ERC2: variants seen among roughly 807,000 people sequenced by gnomAD.
The protein encoded by ERC2 is ERC protein 2.
In ERC2, 42 loss-of-function variants were observed where a neutral mutation model predicts 114.8. The ratio of observed to expected loss-of-function variants is 0.37; its 90% confidence interval spans 0.29 to 0.47. The LOEUF (loss-of-function observed/expected upper bound fraction) is 0.47. ERC2 is among the 20% of genes least tolerant of loss of function. The pLI is 0.99. For synonymous variants in ERC2, 454 were observed against 425.5 expected (o/e 1.07, Z -0.82); for missense variants, 939 against 1,150.7 (o/e 0.82, Z 2.66).
intron 2 of ERC2, among the ~76,000 whole-genome samples, chr3:56,422,554 G>A (rs548260478): frequency 6.6e-5 from 10 of 152,108 alleles, no homozygotes; most frequent in East Asian, 3.9e-4. Flanking sequence ...TTCCTTCTTC[G>A]TTCTTGCTCT....
chr3:55,766,670 C>T (rs1158815777), intron 14 of ERC2: 2 of 152,176 alleles, frequency 1.3e-5, no homozygotes, highest in Non-Finnish European at 2.9e-5. Context: ...GGGGCACTCA[C>T]CCTCTGGCCC....
chr3:56,446,923 G>A (rs983690701), intron 1 of ERC2, among the ~76,000 whole-genome samples: 2 of 152,024 alleles, frequency 1.3e-5, no homozygotes, highest in Admixed American at 1.3e-4. Context: ...CACCACACCC[G>A]GCCGAGAGTG....
intron 17 of ERC2, among the ~76,000 whole-genome samples, chr3:55,526,511 G>T (rs1488765578): frequency 6.6e-6 from 1 of 152,140 alleles, no homozygotes; most frequent in Non-Finnish European, 1.5e-5. Context: ...GTGCTCAAAG[G>T]CCCGCGTCGT....
chr3:56,290,918 CTT>C (rs1303676619), intron 3 of ERC2, among the ~76,000 whole-genome samples: 1 of 152,114 alleles, frequency 6.6e-6, no homozygotes, highest in Non-Finnish European at 1.5e-5. Context: ...CCTGTAAAGA[CTT>C]GGGTGCTCTT....
At chr3:56,033,030 CAG>C (rs1327103939) in intron 7 of ERC2, among the ~76,000 whole-genome samples, 7 of 65,264 alleles carry the variant, frequency 1.1e-4, no homozygotes, top group South Asian at 5.3e-4. Context: ...AAAAAAGAAA[CAG>C]AAAGAAAGAA....
chr3:55,953,876 C>T (rs1464818488), intron 12 of ERC2, among the ~76,000 whole-genome samples: 1 of 152,082 alleles, frequency 6.6e-6, no homozygotes, highest in African/African-American at 2.4e-5. Flanking sequence ...TCTTCCCCTA[C>T]CTGCAGAAGT....
intron 14 of ERC2, among the ~76,000 whole-genome samples, chr3:55,813,025 A>G (rs1362543073): frequency 6.6e-6 from 1 of 152,250 alleles, no homozygotes; most frequent in South Asian, 2.1e-4. Context: ...TTCAATTCTC[A>G]TAAAAGTCCA....
chr3:55,781,228 C>A (rs1431929677), intron 14 of ERC2, among the ~76,000 whole-genome samples: 1 of 152,130 alleles, frequency 6.6e-6, no homozygotes, highest in Non-Finnish European at 1.5e-5. Context: ...TTGTAGAGGA[C>A]ACCCCATATT....
intron 3 of ERC2, among the ~76,000 whole-genome samples, chr3:56,258,286 A>C (rs925698104): frequency 1.3e-5 from 2 of 152,164 alleles, no homozygotes; most frequent in Non-Finnish European, 2.9e-5. Flanking sequence ...TCTCTGTCAC[A>C]GCTACTCAGC....
chr3:56,170,289 GC>G (rs954773828), intron 4 of ERC2, among the ~76,000 whole-genome samples: 1 of 152,184 alleles, frequency 6.6e-6, no homozygotes, highest in Non-Finnish European at 1.5e-5. Context: ...CAAAAGAACT[GC>G]CCCCAGTTTG....
intron 15 of ERC2, among the ~76,000 whole-genome samples, chr3:55,729,285 C>T (rs2065103873): frequency 6.6e-6 from 1 of 152,186 alleles, no homozygotes; most frequent in African/African-American, 2.4e-5. Flanking sequence ...CACACGTACA[C>T]TTCTGCTTCA....
chr3:56,277,009 G>A (rs993205718), intron 3 of ERC2, among the ~76,000 whole-genome samples: 5 of 152,284 alleles, frequency 3.3e-5, no homozygotes, highest in South Asian at 2.1e-4. Flanking sequence ...CTTATCTGTC[G>A]ATGAACTTTG....
chr3:56,425,558 T>TTC (rs1473269855), intron 2 of ERC2, among the ~76,000 whole-genome samples: 1 of 81,860 alleles, frequency 1.2e-5, no homozygotes, highest in African/African-American at 5.4e-5. Context: ...CCGACCCTTT[T>TTC]TCTTTTTTTT....
intron 2 of ERC2, among the ~76,000 whole-genome samples, chr3:56,406,607 C>T (rs1174465003): frequency 6.6e-6 from 1 of 152,136 alleles, no homozygotes; most frequent in Non-Finnish European, 1.5e-5. Context: ...GAACAAGGGC[C>T]CTGTATTTTC....
intron 2 of ERC2, among the ~76,000 whole-genome samples, chr3:56,417,245 T>G (rs570989678): frequency 6.6e-6 from 1 of 152,202 alleles, no homozygotes; most frequent in African/African-American, 2.4e-5. Context: ...CAGATAATAG[T>G]GTTTACTGGG....
At chr3:55,729,193 A>G (rs917377071) in intron 15 of ERC2, among the ~76,000 whole-genome samples, 2 of 152,088 alleles carry the variant, frequency 1.3e-5, no homozygotes, top group African/African-American at 4.8e-5. Flanking sequence ...TATTCCACCC[A>G]TTCCCACTCT....
chr3:56,277,930 G>C (rs539164670), intron 3 of ERC2, among the ~76,000 whole-genome samples: 14 of 152,126 alleles, frequency 9.2e-5, no homozygotes, highest in Non-Finnish European at 2.1e-4. Flanking sequence ...CCCGAGGATT[G>C]GGAGCACAGG....
chr3:56,153,179 A>G (rs1332387160), intron 4 of ERC2, among the ~76,000 whole-genome samples: 4 of 152,174 alleles, frequency 2.6e-5, no homozygotes, highest in African/African-American at 9.7e-5. Context: ...CAACAAATAC[A>G]TAGGGCACCT....
At chr3:56,294,655 A>G (rs1576311462) in intron 3 of ERC2, among the ~76,000 whole-genome samples, 1 of 152,356 alleles carries the variant, frequency 6.6e-6, no homozygotes, top group Admixed American at 6.5e-5. Context: ...AATAACATTG[A>G]CATTCTGTTA....
Sources: gnomAD v4.1 joint callset for allele counts (sites outside exome capture counted in the v4.1 genomes callset) on GRCh38, gnomAD v4.1.1 for gene constraint, MANE v1.5 for transcripts, NCBI Gene and HGNC (gene_info 2026-07-23, HGNC 2026-07-21) for gene names.